Variants in HAPLN1 observed in about 807,000 individuals in gnomAD.
The protein encoded by HAPLN1 is Cartilage link protein.
HAPLN1 carries 13 observed loss-of-function variants against 36.5 expected under a neutral mutation model. The observed-to-expected ratio is 0.36, with a 90% CI of 0.23 to 0.57. The LOEUF is 0.57. Among genes scored for constraint, HAPLN1 ranks in the 20% least tolerant of loss-of-function variants. HAPLN1 has a pLI of 0.83. For synonymous variants in HAPLN1, 202 were observed against 169.8 expected (o/e 1.19, Z -1.48); for missense variants, 407 against 439.7 (o/e 0.93, Z 0.66).
chr5:83,689,608 A>T (rs546691480), intron 1 of HAPLN1, among the ~76,000 whole-genome samples: 21 of 152,126 alleles, frequency 1.4e-4, no homozygotes, highest in Admixed American at 4.6e-4. Context: ...TCAAGGGCAC[A>T]TATGGGGTGA....
intron 1 of HAPLN1, among the ~76,000 whole-genome samples, chr5:83,702,567 AT>A (rs1211267133): frequency 6.6e-6 from 1 of 152,206 alleles, no homozygotes; most frequent in Non-Finnish European, 1.5e-5. Context: ...AAATAAGGCC[AT>A]GAAGATAAGG....
At position 83,676,830 on chromosome 5, in the gene HAPLN1, C is replaced by T. The variant is rs562695291; in HGVS notation, c.-26-3281G>A. ...TTGAAGGTCTCTTTTCACAGCCTTA[C>T]AAATCTTAATGCTCGATCAGCCAGC... is the stretch of plus-strand genomic sequence containing the variant. On this transcript the variant is annotated intron_variant, in intron 1 of 4. Coordinates refer to ENST00000274341, the MANE Select transcript of HAPLN1 (RefSeq NM_001884.4). 4.6e-5 allele frequency among the ~76,000 whole-genome samples: 7 copies of T among 152,268 alleles called. No individual in the cohort carries two copies. In the South Asian group the frequency reaches 1.0e-3, roughly 23 times the overall value.
intron 1 of HAPLN1, among the ~76,000 whole-genome samples, chr5:83,680,932 T>G (rs1450822974): frequency 6.6e-6 from 1 of 152,184 alleles, no homozygotes; most frequent in Non-Finnish European, 1.5e-5. Context: ...TCAGGCTAAC[T>G]CATAATTTCT....
At chr5:83,664,324 C>T (rs532539863) in intron 2 of HAPLN1, among the ~76,000 whole-genome samples, 6 of 143,890 alleles carry the variant, frequency 4.2e-5, no homozygotes, top group African/African-American at 7.7e-5. Flanking sequence ...CAATGGCAAA[C>T]GAACGCCATT....
At chr5:83,702,821 T>C (rs1751542033) in intron 1 of HAPLN1, among the ~76,000 whole-genome samples, 1 of 151,902 alleles carries the variant, frequency 6.6e-6, no homozygotes, top group Non-Finnish European at 1.5e-5. Context: ...CACTGAAGAC[T>C]CCGCCTCAAC....
At chr5:83,646,358 G>A (rs1276740588) in intron 3 of HAPLN1, among the ~76,000 whole-genome samples, 1 of 152,328 alleles carries the variant, frequency 6.6e-6, no homozygotes, top group Non-Finnish European at 1.5e-5. Context: ...TATAGCACAT[G>A]TGCTATTTTA....
At chr5:83,672,766 A>G (rs336965) in intron 2 of HAPLN1, among the ~76,000 whole-genome samples, 80,080 of 152,028 alleles carry the variant, frequency 0.53, 21,566 homozygotes, top group East Asian at 0.72. Flanking sequence ...AGGGCAAGGA[A>G]AGAACTGTTC....
intron 2 of HAPLN1, among the ~76,000 whole-genome samples, chr5:83,668,869 C>T (rs966291406): frequency 2.6e-5 from 4 of 152,102 alleles, no homozygotes; most frequent in Non-Finnish European, 4.4e-5. Context: ...GTTCAGGACA[C>T]GCAGCAGGAG....
At position 83,654,417 on chromosome 5, in the gene HAPLN1, ACT is replaced by A. The variant is rs1036280362; in HGVS notation, c.101-1595_101-1594del. The stretch of plus-strand genomic sequence containing the variant: ...ATAGAATCTCAAGATATAAAACATA[ACT>A]CTATGTAATTCTACCCTACATATAA... On this transcript the variant is annotated intron_variant, in intron 2 of 4. Transcript: ENST00000274341. 2.6e-5 allele frequency among the ~76,000 whole-genome samples: 4 copies of A among 152,116 alleles called. No individual in the cohort carries two copies. The East Asian group carries it at 7.7e-4, about 29-fold the overall frequency.
Position 83,687,458 on chromosome 5 carries a change from A to G in HAPLN1, c.-26-13909T>C, listed in dbSNP as rs569308433. The stretch of plus-strand genomic sequence containing the variant: ...GCATCATGTTCAAAACATTCATTCA[A>G]CAATGTTTTAGGAGCAAGTACATAA... On this transcript the variant is annotated intron_variant, in intron 1 of 4. Coordinates refer to ENST00000274341, the MANE Select transcript of HAPLN1 (RefSeq NM_001884.4). Among the ~76,000 whole-genome samples the G allele has an allele frequency of 7.9e-5, 12 of 152,308 alleles. No homozygotes were observed. The South Asian group carries it at 2.5e-3, about 32-fold the overall frequency.
intron 1 of HAPLN1, among the ~76,000 whole-genome samples, chr5:83,705,142 C>T (rs192063447): frequency 2.2e-4 from 34 of 152,176 alleles, no homozygotes; most frequent in African/African-American, 8.2e-4. Context: ...GTAATCCCAG[C>T]ACTTTGGGAG....
intron 1 of HAPLN1, among the ~76,000 whole-genome samples, chr5:83,697,913 T>G (rs2112626247): frequency 6.6e-6 from 1 of 152,306 alleles, no homozygotes; most frequent in Non-Finnish European, 1.5e-5. Flanking sequence ...GAATTAGAAT[T>G]TTTTATATAT....
intron 1 of HAPLN1, among the ~76,000 whole-genome samples, chr5:83,691,689 A>T (rs1027635012): frequency 3.9e-5 from 6 of 151,982 alleles, no homozygotes; most frequent in African/African-American, 1.4e-4. Flanking sequence ...GTAAAATTTA[A>T]AACATACGGA....
intron 1 of HAPLN1, among the ~76,000 whole-genome samples, chr5:83,678,099 G>A (rs1456304199): frequency 1.3e-5 from 2 of 152,010 alleles, no homozygotes; most frequent in African/African-American, 4.8e-5. Context: ...AGATTACTGG[G>A]CGTTCTTCTT....
At chr5:83,668,140 T>C (rs1750606268) in intron 2 of HAPLN1, among the ~76,000 whole-genome samples, 1 of 152,178 alleles carries the variant, frequency 6.6e-6, no homozygotes, top group Admixed American at 6.5e-5. Flanking sequence ...TTTATGTGAC[T>C]GGGATGCATC....
chr5:83,649,511 C>A, intron 3 of HAPLN1, among the ~76,000 whole-genome samples: 1 of 152,034 alleles, frequency 6.6e-6, no homozygotes, highest in East Asian at 1.9e-4. Context: ...TGCAATGGCG[C>A]GATCTCGGCT....
At chr5:83,645,811 T>C (rs941237422) in intron 3 of HAPLN1, among the ~76,000 whole-genome samples, 1 of 152,118 alleles carries the variant, frequency 6.6e-6, no homozygotes, top group Non-Finnish European at 1.5e-5. Context: ...TCCATTACTA[T>C]TTTTCAACTT....
Position 83,641,700 on chromosome 5 carries a change from T to C in HAPLN1, c.861A>G (p.Ala287=). Residue 287 remains alanine (A), a synonymous_variant, in exon 5 of 5, where the codon GCA becomes GCG. Transcript: ENST00000274341. ...QACLNDGAQI[A]KVGQIFAAWK... is the part of the protein sequence containing the mutation. ...AGGCAGCAAATATCTGGCCCACTTT[T>C]GCAATCTGAGCACCATCATTGAGAC... The C allele has an allele frequency of 6.2e-7, 1 of 1,614,204 alleles. No homozygotes were observed. The highest frequency in any genetic ancestry group is 8.5e-7 in the Non-Finnish European group (1 of 1,180,042).
At chr5:83,691,734 A>G (rs1402942429) in intron 1 of HAPLN1, among the ~76,000 whole-genome samples, 1 of 151,954 alleles carries the variant, frequency 6.6e-6, no homozygotes, top group Non-Finnish European at 1.5e-5. Context: ...ACAAAGAAGC[A>G]GGGCATACCA....
Sources: allele counts gnomAD v4.1 joint callset (sites outside exome capture counted in the v4.1 genomes callset), GRCh38; gene constraint gnomAD v4.1.1; transcripts MANE v1.5; gene names NCBI Gene and HGNC (gene_info 2026-07-23, HGNC 2026-07-21).